Variants in ZNF83 observed in about 807,000 individuals in gnomAD.
ZNF83 encodes zinc finger protein 83.
For missense variants in ZNF83, 552 were observed against 629.9 expected (o/e 0.88, Z 1.32); for synonymous variants, 209 against 213.0 (o/e 0.98, Z 0.17).
At chr19:52,636,301 A>G (rs1421579629) in intron 1 of ZNF83, 1 of 152,080 alleles carries the variant, frequency 6.6e-6, no homozygotes, top group Non-Finnish European at 1.5e-5. Context: ...AATTGGCCAG[A>G]CCCTGTCTCT....
intron 1 of ZNF83, among the ~76,000 whole-genome samples, chr19:52,664,611 T>C (rs756887620): frequency 2.6e-5 from 4 of 152,054 alleles, no homozygotes; most frequent in Non-Finnish European, 4.4e-5. Context: ...TCTGTGCCAA[T>C]TAGGGCAGGA....
At position 52,685,152 on chromosome 19, in the gene ZNF83, C is replaced by T. The variant is rs183905510; in HGVS notation, c.-283+5291G>A. On this transcript the variant is annotated intron_variant, in intron 1 of 5. Coordinates refer to the ZNF83 transcript ENST00000594682. ...CCCCTCTCCCAGAAGAAAAGCCACA[C>T]CCAGACACCCACTCTATTTTGCCAA... is the stretch of plus-strand genomic sequence containing the variant. Among the ~76,000 whole-genome samples the T allele has an allele frequency of 2.0e-5, 3 of 152,306 alleles. No homozygotes were observed. The East Asian group carries it at 5.8e-4, about 29-fold the overall frequency.
intron 1 of ZNF83, among the ~76,000 whole-genome samples, chr19:52,675,421 C>A (rs2061786122): frequency 6.6e-6 from 1 of 152,152 alleles, no homozygotes; most frequent in African/African-American, 2.4e-5. Context: ...GATACAAGGG[C>A]TGAGCTGGGA....
chr19:52,619,921 G>A (rs989810113), intron 2 of ZNF83, among the ~76,000 whole-genome samples: 1 of 152,024 alleles, frequency 6.6e-6, no homozygotes, highest in Non-Finnish European at 1.5e-5. Flanking sequence ...ATGGTGGCAG[G>A]CATCTGTGGT....
intron 2 of ZNF83, among the ~76,000 whole-genome samples, chr19:52,615,382 T>C (rs1035455916): frequency 3.9e-5 from 6 of 152,114 alleles, no homozygotes; most frequent in Non-Finnish European, 8.8e-5. Context: ...GATTAGTGCC[T>C]GTATAAGAAA....
exon 1 of ZNF83, chr19:52,638,340 AT>A (rs1408434009): frequency 7.8e-6 from 1 of 127,902 alleles, no homozygotes; most frequent in African/African-American, 2.9e-5. Context: ...ACTCCACATA[AT>A]CCGCTTCCGG....
At chr19:52,632,343 T>TA (rs2060999506) in intron 2 of ZNF83, among the ~76,000 whole-genome samples, 1 of 152,204 alleles carries the variant, frequency 6.6e-6, no homozygotes, top group South Asian at 2.1e-4. Context: ...ACAATACTTT[T>TA]ACCACTTTCG....
intron 2 of ZNF83, among the ~76,000 whole-genome samples, chr19:52,620,256 G>C (rs370021333): frequency 0.027 from 2,906 of 107,886 alleles, 47 homozygotes; most frequent in African/African-American, 0.062. Context: ...GTGTATATCT[G>C]TGTGTGTATA....
intron 1 of ZNF83, among the ~76,000 whole-genome samples, chr19:52,679,466 C>T (rs1288250379): frequency 6.6e-6 from 1 of 152,032 alleles, no homozygotes; most frequent in Admixed American, 6.6e-5. Flanking sequence ...CAAAAACTGG[C>T]CAGGTATGGT....
rs553744273 is a variant in ZNF83, at chr19:52,659,969, G to T, written c.-201+793C>A. 9.7e-4 allele frequency among the ~76,000 whole-genome samples: 148 copies of T among 152,242 alleles called. 1 individual carries two copies. The highest frequency in any genetic ancestry group is 3.4e-3 in the African/African-American group (140 of 41,548). ...CGACCTTGGGAGGCTGAGGCGGGCA[G>T]ATCATGAGGTCAGGAGTTCGAGACC... On this transcript the variant is annotated intron_variant, in intron 2 of 5. Transcript: ENST00000594682.
intron 3 of ZNF83, among the ~76,000 whole-genome samples, chr19:52,648,776 A>C (rs1008092596): frequency 6.6e-6 from 1 of 152,166 alleles, no homozygotes; most frequent in Admixed American, 6.5e-5. Context: ...CTGAGATGAG[A>C]TCAACCTGCT....
At chr19:52,675,295 T>C (rs1374267702) in intron 1 of ZNF83, among the ~76,000 whole-genome samples, 1 of 152,244 alleles carries the variant, frequency 6.6e-6, no homozygotes, top group African/African-American at 2.4e-5. Flanking sequence ...GGACAAGACT[T>C]GATCCTAGGC....
intron 2 of ZNF83, among the ~76,000 whole-genome samples, chr19:52,615,137 GCTGT>G (rs373864496): frequency 7.9e-4 from 120 of 152,228 alleles, no homozygotes; most frequent in African/African-American, 2.8e-3. Flanking sequence ...AAAACATATG[GCTGT>G]CTAATAGTTG....
intron 1 of ZNF83, among the ~76,000 whole-genome samples, chr19:52,686,514 A>T (rs961123637): frequency 4.1e-5 from 6 of 147,322 alleles, no homozygotes; most frequent in Admixed American, 1.4e-4. Flanking sequence ...AAAAAAAAAA[A>T]GAAATCTATT....
intron 2 of ZNF83, among the ~76,000 whole-genome samples, chr19:52,630,347 C>T (rs12610407): frequency 0.034 from 5,162 of 152,232 alleles, 314 homozygotes; most frequent in African/African-American, 0.11. Flanking sequence ...TTAATCAATA[C>T]GGAGGCTACC....
At chr19:52,676,105 T>C (rs6509670) in intron 1 of ZNF83, among the ~76,000 whole-genome samples, 81,225 of 151,926 alleles carry the variant, frequency 0.53, 21,945 homozygotes, top group African/African-American at 0.62. Flanking sequence ...CTCAGCCTGC[T>C]GAGTGCCTGC....
intron 2 of ZNF83, among the ~76,000 whole-genome samples, chr19:52,658,522 A>G (rs971549293): frequency 6.6e-6 from 1 of 152,170 alleles, no homozygotes; most frequent in African/African-American, 2.4e-5. Context: ...CCGAGATTGC[A>G]CCACTGCACT....
intron 2 of ZNF83, among the ~76,000 whole-genome samples, chr19:52,633,664 C>A (rs1163109024): frequency 6.6e-6 from 1 of 152,220 alleles, no homozygotes; most frequent in Admixed American, 6.5e-5. Context: ...AATTCCAGCA[C>A]TTCGGGAGGC....
At chr19:52,618,693 T>A (rs886353807) in intron 2 of ZNF83, 10 of 705,638 alleles carry the variant, frequency 1.4e-5, no homozygotes, top group Admixed American at 3.5e-5. Flanking sequence ...CACCACGCCT[T>A]GCCAGCCATA....
Sources: gnomAD v4.1 joint callset for allele counts (sites outside exome capture counted in the v4.1 genomes callset) on GRCh38, gnomAD v4.1.1 for gene constraint, MANE v1.5 for transcripts, NCBI Gene and HGNC (gene_info 2026-07-23, HGNC 2026-07-21) for gene names.